Variants in SERINC5 observed in about 807,000 individuals in gnomAD.
SERINC5 encodes the protein chromosome 5 open reading frame 12.
Under a neutral mutation model 63.1 loss-of-function variants are expected in SERINC5, and 41 were observed. The ratio of observed to expected loss-of-function variants is 0.65; its 90% CI spans 0.51 to 0.84. The LOEUF (loss-of-function observed/expected upper bound fraction) is 0.84. SERINC5 is among the 40% of genes least tolerant of loss of function. SERINC5 has a pLI of 0.00. For synonymous variants in SERINC5, 222 were observed against 215.2 expected, an observed-to-expected ratio of 1.03 and a Z score of -0.28; for missense variants, 523 against 573.0, an observed-to-expected ratio of 0.91 and a Z score of 0.89.
In SERINC5 at chr5:80,141,038, C is replaced by G. The variant is rs149722062; in HGVS notation, c.*2625G>C. 1 of 985,400 alleles carries G rather than the reference C, an allele frequency of 1.0e-6. No individual in the cohort carries two copies. Among genetic ancestry groups the G allele is most frequent in the Non-Finnish European group, 1.2e-6 (1 of 829,902 alleles). 61.0% of individuals were successfully genotyped at this position (985,400 alleles called of 1,614,324 possible). A position where few individuals can be genotyped will look rare whatever the true frequency, so the allele number is the denominator to read the frequency against. On this transcript the variant is annotated 3_prime_UTR_variant, in exon 12 of 12. Coordinates refer to ENST00000507668, the MANE Select transcript of SERINC5 (RefSeq NM_001174072.3). ...TTTCTCAAATCACAATTGCACAAAACTGTAGATTCTTTAAATCCAGGAATG... is the reference window on the plus strand; with the variant it reads ...TTTCTCAAATCACAATTGCACAAAAGTGTAGATTCTTTAAATCCAGGAATG...
At chr5:80,216,931 A>G (rs1390611236) in intron 1 of SERINC5, among the ~76,000 whole-genome samples, 1 of 152,152 alleles carries the variant, frequency 6.6e-6, no homozygotes, top group African/African-American at 2.4e-5. Flanking sequence ...GGATGGATTG[A>G]GCCCAGAAGA....
At chr5:80,127,859 GA>G (rs1317854922) in intron 11 of SERINC5, among the ~76,000 whole-genome samples, 1 of 151,642 alleles carries the variant, frequency 6.6e-6, no homozygotes, top group Non-Finnish European at 1.5e-5. Context: ...ATTTCTCAAG[GA>G]AAAAAACAAC....
At chr5:80,124,000 GGAGA>G (rs768068568) in intron 11 of SERINC5, among the ~76,000 whole-genome samples, 1 of 152,168 alleles carries the variant, frequency 6.6e-6, no homozygotes, top group Non-Finnish European at 1.5e-5. Context: ...AGTGAAGGAA[GGAGA>G]GAGAGGTATT....
chr5:80,239,712 G>A (rs1029487390), intron 1 of SERINC5, among the ~76,000 whole-genome samples: 1 of 152,048 alleles, frequency 6.6e-6, no homozygotes, highest in African/African-American at 2.4e-5. Context: ...AAAAATAGCT[G>A]TATCCCTCCC....
intron 11 of SERINC5, among the ~76,000 whole-genome samples, chr5:80,124,433 G>A (rs1479107524): frequency 6.6e-6 from 1 of 152,186 alleles, no homozygotes; most frequent in Admixed American, 6.5e-5. Flanking sequence ...TGACTACCTT[G>A]CAACCTCTCT....
At chr5:80,194,002 T>G (rs994438658) in intron 2 of SERINC5, among the ~76,000 whole-genome samples, 2 of 152,184 alleles carry the variant, frequency 1.3e-5, no homozygotes, top group African/African-American at 4.8e-5. Context: ...GTGAGAATTT[T>G]CCCTCAGTTC....
chr5:80,201,546 T>G (rs1206782958), intron 2 of SERINC5, among the ~76,000 whole-genome samples: 1 of 152,168 alleles, frequency 6.6e-6, no homozygotes, highest in Non-Finnish European at 1.5e-5. Context: ...TTATGAGGAA[T>G]AAAGGTGATG....
intron 2 of SERINC5, among the ~76,000 whole-genome samples, chr5:80,202,233 T>C (rs1454960489): frequency 1.3e-5 from 2 of 151,780 alleles, no homozygotes; most frequent in African/African-American, 4.8e-5. Context: ...AGCAAAACTC[T>C]GTCTCGAAAA....
chr5:80,197,024 A>G (rs995039873), intron 2 of SERINC5, among the ~76,000 whole-genome samples: 3 of 152,190 alleles, frequency 2.0e-5, no homozygotes, highest in African/African-American at 7.2e-5. Context: ...AATGAAGTAC[A>G]TATGCTACAA....
chr5:80,143,693 G>A lies in SERINC5; in HGVS notation c.1356C>T (p.Leu452=), dbSNP rs1472052015. 4.1e-5 allele frequency: 63 copies of A among 1,536,012 alleles called. No homozygotes were observed. The highest frequency in any genetic ancestry group is 5.3e-5 in the Non-Finnish European group (61 of 1,146,880). The change falls in exon 12 of 12, where the codon CTC becomes CTT. Residue 452 remains leucine, a synonymous_variant. Coordinates refer to ENST00000507668, the MANE Select transcript of SERINC5 (RefSeq NM_001174072.3). ...CAGAGAACTCCCGGGTGGGGCAGCA[G>A]AGGGGAGCGACCAGCGTACACAGGT... is the stretch of plus-strand genomic sequence containing the variant. ...LLYLCTLVAP[L]CCPTREFSV
chr5:80,211,226 T>C (rs931648188), intron 1 of SERINC5, among the ~76,000 whole-genome samples: 3 of 152,086 alleles, frequency 2.0e-5, no homozygotes, highest in Non-Finnish European at 4.4e-5. Context: ...AAATGGCAAA[T>C]GTAAGAAGCC....
chr5:80,136,953 T>C (rs1050298723), downstream of SERINC5, among the ~76,000 whole-genome samples: 2 of 151,650 alleles, frequency 1.3e-5, no homozygotes, highest in Admixed American at 1.3e-4. Flanking sequence ...CTGGCCAACA[T>C]GGCGAAACCA....
At chr5:80,207,136 C>G (rs893846034) in intron 1 of SERINC5, among the ~76,000 whole-genome samples, 14 of 152,006 alleles carry the variant, frequency 9.2e-5, no homozygotes, top group African/African-American at 3.4e-4. Context: ...GTAGCTGGGA[C>G]TACAGGCGCC....
chr5:80,204,250 G>C (rs1750039473), intron 1 of SERINC5, among the ~76,000 whole-genome samples: 1 of 152,178 alleles, frequency 6.6e-6, no homozygotes, highest in Non-Finnish European at 1.5e-5. Context: ...ATTCATAGCT[G>C]GTCAGTCAGA....
At chr5:80,199,021 T>A (rs2112480164) in intron 2 of SERINC5, among the ~76,000 whole-genome samples, 1 of 152,226 alleles carries the variant, frequency 6.6e-6, no homozygotes, top group African/African-American at 2.4e-5. Context: ...CCTCCCAAAA[T>A]ATCTCCCTCT....
chr5:80,188,367 T>C (rs1748965506), intron 2 of SERINC5, among the ~76,000 whole-genome samples: 1 of 152,064 alleles, frequency 6.6e-6, no homozygotes, highest in African/African-American at 2.4e-5. Context: ...CAATTATATA[T>C]TTTACTGCCA....
chr5:80,175,667 G>A (rs1747979623), intron 4 of SERINC5, among the ~76,000 whole-genome samples: 1 of 151,520 alleles, frequency 6.6e-6, no homozygotes, highest in South Asian at 2.1e-4. Flanking sequence ...TCAGGAGTCG[G>A]AAACCAGCCT....
At chr5:80,125,502 T>G (rs1372818707) in intron 11 of SERINC5, among the ~76,000 whole-genome samples, 1 of 152,132 alleles carries the variant, frequency 6.6e-6, no homozygotes, top group Non-Finnish European at 1.5e-5. Context: ...CTGTTTGACA[T>G]GAGCTATATT....
rs549982295 is a variant in SERINC5 at position 80,163,511 on chromosome 5, C to G, written c.859+2872G>C. ...TTTATTATTTTAAGTTGTATTCCTT[C>G]TATTATTTTAAGTTATGTTCCTACT... On this transcript the variant is annotated intron_variant, in intron 7 of 11. Transcript: ENST00000507668. Among the ~76,000 whole-genome samples the G allele has an allele frequency of 1.2e-4, 18 of 150,270 alleles. No individual in the cohort carries two copies. The South Asian group carries it at 3.6e-3, about 30-fold the overall frequency.
Sources: gnomAD v4.1 joint callset for allele counts (sites outside exome capture counted in the v4.1 genomes callset) on GRCh38, gnomAD v4.1.1 for gene constraint, MANE v1.5 for transcripts, NCBI Gene and HGNC (gene_info 2026-07-23, HGNC 2026-07-21) for gene names.